The following SEMA6D variants were observed in gnomAD, a reference collection of about 807,000 sequenced individuals.
SEMA6D encodes the protein semaphorin 6D.
A neutral mutation model predicts 106.6 loss-of-function variants in SEMA6D; 35 were observed. That is an observed-to-expected ratio of 0.33 (90% CI 0.25 to 0.44). The LOEUF (loss-of-function observed/expected upper bound fraction) is 0.44. Among genes scored for constraint, SEMA6D ranks in the 20% least tolerant of loss-of-function variants. The pLI, the probability that SEMA6D is intolerant of heterozygous loss-of-function variation, is 1.00. For missense variants in SEMA6D, 1,185 were observed against 1,345.9 expected, an observed-to-expected ratio of 0.88 and a Z score of 1.87; for synonymous variants, 499 against 487.7, an observed-to-expected ratio of 1.02 and a Z score of -0.31.
At chr15:47,752,482 T>TTCAG (rs975243749) in intron 1 of SEMA6D, among the ~76,000 whole-genome samples, 1 of 152,158 alleles carries the variant, frequency 6.6e-6, no homozygotes, top group African/African-American at 2.4e-5. Flanking sequence ...CAAAGTTTCT[T>TTCAG]TCAGTGCCAG....
chr15:47,645,957 G>A (rs925734512), intron 4 of SEMA6D, among the ~76,000 whole-genome samples: 4 of 152,140 alleles, frequency 2.6e-5, no homozygotes, highest in African/African-American at 7.2e-5. Context: ...CCGAGCTTCC[G>A]TGTCCTCTCA....
chr15:47,504,599 G>A (rs76650305), intron 3 of SEMA6D, among the ~76,000 whole-genome samples: 1,826 of 152,250 alleles, frequency 0.012, 46 homozygotes, highest in African/African-American at 0.041. Context: ...CATCAAAATA[G>A]CAGCTTTACT....
intron 1 of SEMA6D, among the ~76,000 whole-genome samples, chr15:47,343,248 T>TATTATTATTATTA (rs2037894746): frequency 7.5e-5 from 11 of 146,146 alleles, no homozygotes; most frequent in African/African-American, 2.6e-4. Flanking sequence ...TAGTTGGATT[T>TATTATTATTATTA]TTATTATTAT....
At chr15:47,715,842 G>A (rs1242351670), upstream of SEMA6D, among the ~76,000 whole-genome samples, 1 of 152,196 alleles carries the variant, frequency 6.6e-6, no homozygotes, top group Non-Finnish European at 1.5e-5. Context: ...TCTGTCTCCA[G>A]GTGGGTGGCG....
chr15:47,275,113 G>C (rs2034739199), intron 1 of SEMA6D: 1 of 152,108 alleles, frequency 6.6e-6, no homozygotes, highest in South Asian at 2.1e-4. Flanking sequence ...TGATGGCAGT[G>C]GTGGTCCAGT....
Position 47,595,719 on chromosome 15 carries a change from G to A in SEMA6D, c.-86-5146G>A, listed in dbSNP as rs80093562. ...CAAGTCCTGGGCTTTTCTTTGATGG[G>A]AGAAAATTTTATTGTTGATTCAGTC... On this transcript the variant is annotated intron_variant, in intron 3 of 19. Coordinates refer to the SEMA6D transcript ENST00000558014. Among the ~76,000 whole-genome samples the A allele has an allele frequency of 3.4e-3, 524 of 152,146 alleles. 21 individuals are homozygous for A. The South Asian group carries it at 0.062, about 18-fold the overall frequency.
intron 1 of SEMA6D, among the ~76,000 whole-genome samples, chr15:47,743,037 A>G (rs966407008): frequency 6.6e-6 from 1 of 152,188 alleles, no homozygotes; most frequent in Admixed American, 6.5e-5. Flanking sequence ...ATGCCTCCCC[A>G]GGATGCCTCC....
At chr15:47,584,928 C>G (rs997373793) in intron 3 of SEMA6D, among the ~76,000 whole-genome samples, 1 of 152,148 alleles carries the variant, frequency 6.6e-6, no homozygotes, top group Admixed American at 6.5e-5. Context: ...GGCTGTGATT[C>G]TTGATTCTAC....
intron 2 of SEMA6D, among the ~76,000 whole-genome samples, chr15:47,463,489 T>C (rs1174385295): frequency 6.6e-6 from 1 of 152,170 alleles, no homozygotes; most frequent in Non-Finnish European, 1.5e-5. Flanking sequence ...CGCCAAAGTT[T>C]CTCAACCCTT....
intron 3 of SEMA6D, among the ~76,000 whole-genome samples, chr15:47,561,355 T>C (rs2046076086): frequency 1.3e-5 from 2 of 152,054 alleles, no homozygotes; most frequent in South Asian, 4.1e-4. Flanking sequence ...AAAAAAAATC[T>C]TGTCAACCAA....
At chr15:47,593,315 G>T (rs559379490) in intron 3 of SEMA6D, among the ~76,000 whole-genome samples, 17 of 148,944 alleles carry the variant, frequency 1.1e-4, no homozygotes, top group Non-Finnish European at 1.2e-4. Context: ...TGAGGCAGGA[G>T]AATGGCATGG....
At chr15:47,556,958 C>T (rs558984527) in intron 3 of SEMA6D, among the ~76,000 whole-genome samples, 10 of 152,294 alleles carry the variant, frequency 6.6e-5, no homozygotes, top group African/African-American at 2.4e-4. Flanking sequence ...CTTTCTCAGT[C>T]TTGAGTACCT....
At chr15:47,208,400 G>A (rs1023152579) in intron 1 of SEMA6D, among the ~76,000 whole-genome samples, 2 of 152,180 alleles carry the variant, frequency 1.3e-5, no homozygotes, top group South Asian at 4.2e-4. Flanking sequence ...ATTAAATAAA[G>A]CATTAAAAAC....
At chr15:47,214,900 T>C (rs2030417754) in intron 1 of SEMA6D, among the ~76,000 whole-genome samples, 2 of 151,806 alleles carry the variant, frequency 1.3e-5, no homozygotes, top group Non-Finnish European at 2.9e-5. Flanking sequence ...TGGAGAAGAG[T>C]GAGTTTGGCT....
At chr15:47,439,025 A>AT (rs2140728637) in intron 2 of SEMA6D, among the ~76,000 whole-genome samples, 1 of 152,140 alleles carries the variant, frequency 6.6e-6, no homozygotes, top group Non-Finnish European at 1.5e-5. Flanking sequence ...GAATGAAGAC[A>AT]TTTGAGTTCA....
chr15:47,250,021 G>C (rs1224703093), intron 1 of SEMA6D, among the ~76,000 whole-genome samples: 3 of 148,650 alleles, frequency 2.0e-5, no homozygotes, highest in African/African-American at 7.3e-5. Context: ...TTATGAAACA[G>C]ATTTATATTC....
chr15:47,401,521 T>C (rs1183666040), intron 1 of SEMA6D, among the ~76,000 whole-genome samples: 1 of 152,216 alleles, frequency 6.6e-6, no homozygotes, highest in Admixed American at 6.5e-5. Flanking sequence ...AACCACTGTG[T>C]TACAATGCGT....
intron 4 of SEMA6D, among the ~76,000 whole-genome samples, chr15:47,674,554 T>C (rs1358643357): frequency 2.0e-5 from 3 of 152,232 alleles, no homozygotes; most frequent in Non-Finnish European, 4.4e-5. Context: ...TGACTGCCTC[T>C]GCTTTCTCTT....
At position 47,735,268 on chromosome 15, in the gene SEMA6D, T is replaced by C. The variant is rs145146588; in HGVS notation, c.-55+17576T>C. Among the ~76,000 whole-genome samples the C allele has an allele frequency of 9.1e-3, 1,386 of 152,288 alleles. 11 individuals carry two copies. Among genetic ancestry groups the C allele is most frequent in the Non-Finnish European group, 0.014 (944 of 68,026 alleles). ...GCCCTACAGTCTTACATGACAACAA[T>C]AACTTTTAGAGAAGGCACTACGGTA... On this transcript the variant is annotated intron_variant, in intron 1 of 18. Transcript: ENST00000536845.
Sources: allele counts gnomAD v4.1 joint callset (sites outside exome capture counted in the v4.1 genomes callset), GRCh38; gene constraint gnomAD v4.1.1; transcripts MANE v1.5; gene names NCBI Gene and HGNC (gene_info 2026-07-23, HGNC 2026-07-21).